PPFIA1: variants seen among roughly 807,000 people sequenced by gnomAD.
The protein encoded by PPFIA1 is liprin-alpha-1.
A neutral mutation model predicts 149.9 loss-of-function variants in PPFIA1; 25 were observed. That is an observed-to-expected ratio of 0.17 (90% CI 0.12 to 0.23). PPFIA1 has a LOEUF of 0.23. Among genes scored for constraint, PPFIA1 ranks in the 10% least tolerant of loss-of-function variants. The pLI is 1.00. For synonymous variants in PPFIA1, 549 were observed against 552.8 expected, an observed-to-expected ratio of 0.99 and a Z score of 0.10; for missense variants, 1,362 against 1,506.5, an observed-to-expected ratio of 0.90 and a Z score of 1.59.
chr11:70,296,562 A>G lies in PPFIA1; in HGVS notation c.264+24126A>G, dbSNP rs949527983. On this transcript the variant is annotated intron_variant, in intron 2 of 27. Coordinates refer to ENST00000253925, the MANE Select transcript of PPFIA1 (RefSeq NM_003626.5). ...TCAGGCGTGGCGGTGCGCGCCTGCAATCGCAGGCACTCGGCAGGCTGAGGC... is the reference window on the plus strand; with the variant it reads ...TCAGGCGTGGCGGTGCGCGCCTGCAGTCGCAGGCACTCGGCAGGCTGAGGC... Among the ~76,000 whole-genome samples the G allele has an allele frequency of 6.3e-3, 953 of 152,068 alleles. 10 individuals are homozygous for G. Among genetic ancestry groups the G allele is most frequent in the African/African-American group, 0.022 (922 of 41,474 alleles).
chr11:70,376,408 T>G lies in PPFIA1; in HGVS notation c.3316-124T>G, dbSNP rs372971858. 3.2e-5 allele frequency: 30 copies of G among 943,288 alleles called. No individual in the cohort carries two copies. In the East Asian group the frequency reaches 3.7e-4, roughly 11 times the overall value. 58.4% of individuals were successfully genotyped at this position (943,288 alleles called of 1,614,324 possible). ...TCCGAAAGTGTTGGAATTACAGGCG[T>G]GAGCCACCAGACCCAGCCAGCAGTG... On this transcript the variant is annotated intron_variant, in intron 24 of 27. Coordinates refer to ENST00000253925, the MANE Select transcript of PPFIA1 (RefSeq NM_003626.5).
intron 10 of PPFIA1, among the ~76,000 whole-genome samples, chr11:70,335,045 A>G (rs1392941918): frequency 6.6e-6 from 1 of 152,258 alleles, no homozygotes; most frequent in African/African-American, 2.4e-5. Context: ...TAATTTTTGA[A>G]TGTAAATTTC....
chr11:70,291,900 C>A (rs561201472), intron 2 of PPFIA1, among the ~76,000 whole-genome samples: 86 of 140,950 alleles, frequency 6.1e-4, no homozygotes, highest in African/African-American at 2.2e-3. Flanking sequence ...TGTAGTGGTG[C>A]GATCTCGGCT....
At position 70,362,619 on chromosome 11, in the gene PPFIA1, G is replaced by C. The variant is rs149111207; in HGVS notation, c.2865+131G>C. 708 of 890,006 alleles carry C rather than the reference G, an allele frequency of 8.0e-4. 2 individuals are homozygous for C. In the African/African-American group the frequency reaches 0.011, roughly 14 times the overall value. 55.1% of individuals were successfully genotyped at this position (890,006 alleles called of 1,614,324 possible). A position where few individuals can be genotyped will look rare whatever the true frequency, so the allele number is the denominator to read the frequency against. On this transcript the variant is annotated intron_variant, in intron 21 of 27. Coordinates refer to ENST00000253925, the MANE Select transcript of PPFIA1 (RefSeq NM_003626.5). ...AGTATAGTTCTAATTCAAAATTTTA[G>C]CATCACATACATTAGAACTTTTAAT...
Position 70,362,507 on chromosome 11 carries a change from C to T in PPFIA1, c.2865+19C>T. 2 of 1,556,616 alleles carry T rather than the reference C, an allele frequency of 1.3e-6. No individual in the cohort carries two copies. Among genetic ancestry groups the T allele is most frequent in the Non-Finnish European group, 1.7e-6 (2 of 1,149,524 alleles). ...TAGAACGGTACGTTCAGAGACAACC[C>T]CTGCATTCTTTGGAAACAGGGAATG... On this transcript the variant is annotated intron_variant, in intron 21 of 27. Coordinates refer to ENST00000253925, the MANE Select transcript of PPFIA1 (RefSeq NM_003626.5).
chr11:70,377,917 T>C (rs2135452953), intron 25 of PPFIA1, 113 bp from the exon 26 acceptor site: 1 of 853,126 alleles, frequency 1.2e-6, no homozygotes, highest in Non-Finnish European at 1.8e-6. Context: ...ATTAAATACA[T>C]GTGGACAAGA....
intron 2 of PPFIA1, among the ~76,000 whole-genome samples, chr11:70,279,900 G>GTGTGTGTGT (rs1330809162): frequency 1.0e-5 from 1 of 99,664 alleles, no homozygotes; most frequent in African/African-American, 7.4e-5. Flanking sequence ...GTGTGTGTGT[G>GTGTGTGTGT]GGGGATGTGT....
Position 70,333,373 on chromosome 11 carries a change from C to T in PPFIA1, c.1213-97C>T, listed in dbSNP as rs1266604934. ...CCATTTAGTATGGCGGAGCAGCCCA[C>T]GCAGAGCATGTTGTGCCTGTTGCCA... On this transcript the variant is annotated intron_variant, in intron 9 of 27. Coordinates refer to ENST00000253925, the MANE Select transcript of PPFIA1 (RefSeq NM_003626.5). The T allele has an allele frequency of 8.8e-6, 8 of 911,024 alleles. 1 individual carries two copies. The highest frequency in any genetic ancestry group is 2.6e-5 in the East Asian group (1 of 38,490). The allele number at this position is 911,024 out of a possible 1,614,324, so 56.4% of individuals were successfully genotyped here.
intron 19 of PPFIA1, among the ~76,000 whole-genome samples, chr11:70,360,315 G>T (rs2056573842): frequency 6.6e-6 from 1 of 152,228 alleles, no homozygotes; most frequent in South Asian, 2.1e-4. Flanking sequence ...TAGAAGTAAA[G>T]AATTATTTTT....
intron 2 of PPFIA1, among the ~76,000 whole-genome samples, chr11:70,310,543 G>A (rs1232514012): frequency 1.3e-5 from 2 of 151,884 alleles, no homozygotes; most frequent in Non-Finnish European, 2.9e-5. Flanking sequence ...GCGCCACCAC[G>A]CCCAGTTAAT....
chr11:70,355,921 G>A (rs1340061179), intron 18 of PPFIA1, 110 bp downstream of exon 18: 19 of 1,384,100 alleles, frequency 1.4e-5, no homozygotes, highest in Non-Finnish European at 1.9e-5. Context: ...TGCTCTCCAG[G>A]GAGCAGCAGC....
At chr11:70,349,479 A>C (rs1367234141) in intron 16 of PPFIA1, among the ~76,000 whole-genome samples, 3 of 152,174 alleles carry the variant, frequency 2.0e-5, no homozygotes, top group African/African-American at 4.8e-5. Context: ...CTAAAAAAAA[A>C]CCAAACTATC....
intron 23 of PPFIA1, chr11:70,374,434 TTCTC>T (rs2057401477): frequency 6.5e-6 from 1 of 153,032 alleles, no homozygotes; most frequent in African/African-American, 2.4e-5. Context: ...ATTGTTAAGT[TTCTC>T]TCATTTTAAA....
intron 19 of PPFIA1, among the ~76,000 whole-genome samples, chr11:70,361,035 C>G (rs548432740): frequency 6.6e-6 from 1 of 152,220 alleles, no homozygotes; most frequent in African/African-American, 2.4e-5. Flanking sequence ...TCTGAAATAC[C>G]TATGTTAGAG....
At chr11:70,359,029 G>A (rs1246777169) in intron 19 of PPFIA1, among the ~76,000 whole-genome samples, 1 of 152,236 alleles carries the variant, frequency 6.6e-6, no homozygotes, top group East Asian at 1.9e-4. Flanking sequence ...GCTGGGCTGA[G>A]TGTGGGCAGT....
intron 26 of PPFIA1, among the ~76,000 whole-genome samples, chr11:70,379,946 TAGAA>T (rs1466637578): frequency 2.0e-5 from 3 of 152,234 alleles, no homozygotes; most frequent in Non-Finnish European, 4.4e-5. Flanking sequence ...ATATAATTCT[TAGAA>T]AGCAGAACTG....
At chr11:70,330,829 CAGG>C (rs1163700035) in intron 8 of PPFIA1, among the ~76,000 whole-genome samples, 1 of 152,126 alleles carries the variant, frequency 6.6e-6, no homozygotes, top group African/African-American at 2.4e-5. Context: ...CCTAGCTACT[CAGG>C]AGGCTAAGGA....
Position 70,326,585 on chromosome 11 carries a change from TCCCC to T in PPFIA1, c.709-10_709-7del. 1 of 1,584,676 alleles carries T rather than the reference TCCCC, an allele frequency of 6.3e-7. No individual in the cohort carries two copies. The highest frequency in any genetic ancestry group is 1.8e-5 in the Admixed American group (1 of 55,348). On this transcript the variant is annotated splice_polypyrimidine_tract_variant and splice_region_variant and intron_variant, in intron 6 of 27. Coordinates refer to ENST00000253925, the MANE Select transcript of PPFIA1 (RefSeq NM_003626.5). The stretch of plus-strand genomic sequence containing the variant: ...ACAAGGGTATTTAAGGATTTTTTTT[TCCCC>T]CTATCAGAGATCTTCTGATGGTTCT...
chr11:70,373,671 T>G (rs2057367141), intron 23 of PPFIA1: 1 of 152,220 alleles, frequency 6.6e-6, no homozygotes, highest in South Asian at 2.1e-4. Flanking sequence ...CCAGGTGGTG[T>G]TCTAAGTACT....
Sources: allele counts gnomAD v4.1 joint callset (sites outside exome capture counted in the v4.1 genomes callset), GRCh38; gene constraint gnomAD v4.1.1; transcripts MANE v1.5; gene names NCBI Gene and HGNC (gene_info 2026-07-23, HGNC 2026-07-21).